The following MGAT4C variants were observed in gnomAD, a reference collection of about 807,000 sequenced individuals.
MGAT4C encodes the protein MGAT4 family member C, also known as alpha-1,3-mannosyl-glycoprotein 4-beta-N-acetylglucosaminyltransferase C.
A neutral mutation model predicts 40.1 loss-of-function variants in MGAT4C; 19 were observed. The observed-to-expected ratio is 0.47, with a 90% CI of 0.33 to 0.70. MGAT4C has a LOEUF of 0.70. MGAT4C is among the 30% of genes least tolerant of loss of function. MGAT4C has a pLI of 0.02. For missense variants in MGAT4C, 491 were observed against 563.2 expected (o/e 0.87, Z 1.30); for synonymous variants, 181 against 187.1 (o/e 0.97, Z 0.27).
At chr12:86,265,777 G>A (rs2136101480) in intron 4 of MGAT4C, among the ~76,000 whole-genome samples, 1 of 152,262 alleles carries the variant, frequency 6.6e-6, no homozygotes, top group East Asian at 1.9e-4. Flanking sequence ...TGTGTTTCCA[G>A]TCCATGAGCT....
chr12:86,795,867 AG>A (rs1337284073), intron 1 of MGAT4C, among the ~76,000 whole-genome samples: 2 of 151,994 alleles, frequency 1.3e-5, no homozygotes, highest in African/African-American at 4.8e-5. Context: ...TGCTTTCTGC[AG>A]ATCTTTTTAT....
chr12:86,780,188 T>G (rs1383388984), intron 1 of MGAT4C, among the ~76,000 whole-genome samples: 31 of 152,310 alleles, frequency 2.0e-4, no homozygotes, highest in Admixed American at 2.0e-3. Context: ...GCATTAATTA[T>G]ATAATTTAAA....
intron 2 of MGAT4C, among the ~76,000 whole-genome samples, chr12:86,463,380 A>G (rs1444272786): frequency 6.6e-6 from 1 of 152,144 alleles, no homozygotes; most frequent in Non-Finnish European, 1.5e-5. Context: ...ATCTTTGAAC[A>G]AATTCTTGCA....
At chr12:86,323,886 C>A (rs1954459388) in intron 4 of MGAT4C, among the ~76,000 whole-genome samples, 1 of 151,818 alleles carries the variant, frequency 6.6e-6, no homozygotes, top group South Asian at 2.1e-4. Context: ...AGGCAATATT[C>A]TTCTATTCCC....
chr12:86,294,904 G>A (rs1016956785), intron 4 of MGAT4C, among the ~76,000 whole-genome samples: 3 of 152,114 alleles, frequency 2.0e-5, no homozygotes, highest in South Asian at 2.1e-4. Flanking sequence ...TATCAAGGGC[G>A]CCCCGTAAAG....
chr12:86,712,025 G>T lies in MGAT4C; in HGVS notation c.-229+15184C>A, dbSNP rs183088598. Among the ~76,000 whole-genome samples, 380 of 152,186 alleles carry T rather than the reference G, an allele frequency of 2.5e-3. 1 individual carries two copies. Among genetic ancestry groups the T allele is most frequent in the Non-Finnish European group, 3.1e-3 (210 of 68,004 alleles). ...TGATATATTGCCATGTGCTGGTGAT[G>T]ATTTCTTATGTTAGATAAGTACCTG... On this transcript the variant is annotated intron_variant, in intron 2 of 7. Transcript: ENST00000548651.
intron 2 of MGAT4C, among the ~76,000 whole-genome samples, chr12:86,631,417 A>G (rs1344934701): frequency 3.3e-5 from 5 of 152,088 alleles, no homozygotes; most frequent in Admixed American, 2.6e-4. Context: ...TGAAGTTCAT[A>G]TGGAACCAAA....
intron 1 of MGAT4C, among the ~76,000 whole-genome samples, chr12:86,728,647 C>T (rs777321835): frequency 1.3e-5 from 2 of 152,124 alleles, no homozygotes; most frequent in Admixed American, 1.3e-4. Context: ...GCTGAGATCT[C>T]GTCACTGCCC....
At chr12:86,118,445 G>A (rs1052947181) in intron 1 of MGAT4C, among the ~76,000 whole-genome samples, 10 of 152,140 alleles carry the variant, frequency 6.6e-5, no homozygotes, top group African/African-American at 2.2e-4. Flanking sequence ...TAGTAATGAT[G>A]TGGACAACAT....
chr12:86,605,544 C>T (rs566894134), intron 2 of MGAT4C, among the ~76,000 whole-genome samples: 1 of 152,228 alleles, frequency 6.6e-6, no homozygotes, highest in South Asian at 2.1e-4. Flanking sequence ...CCATAACTAA[C>T]TCTCGATTTT....
chr12:86,196,302 C>T (rs181366619), intron 1 of MGAT4C, among the ~76,000 whole-genome samples: 9 of 152,190 alleles, frequency 5.9e-5, no homozygotes, highest in Non-Finnish European at 1.3e-4. Flanking sequence ...TTAAGGCTCA[C>T]GCATAATCCT....
chr12:86,073,127 G>T (rs1237369845), intron 1 of MGAT4C, among the ~76,000 whole-genome samples: 2 of 152,168 alleles, frequency 1.3e-5, no homozygotes, highest in South Asian at 2.1e-4. Flanking sequence ...TCACACTGTT[G>T]TTGTGGTAGT....
At chr12:86,505,515 C>T (rs1028851188) in intron 2 of MGAT4C, among the ~76,000 whole-genome samples, 4 of 152,198 alleles carry the variant, frequency 2.6e-5, no homozygotes, top group Admixed American at 2.0e-4. Flanking sequence ...CAAAGTTCAG[C>T]ACTTCCCTCT....
chr12:86,590,902 A>G (rs1464076234), intron 2 of MGAT4C, among the ~76,000 whole-genome samples: 1 of 151,992 alleles, frequency 6.6e-6, no homozygotes, highest in Non-Finnish European at 1.5e-5. Flanking sequence ...TTTATTCCTG[A>G]AATGCATCAA....
At chr12:86,537,999 A>C (rs1959103545) in intron 2 of MGAT4C, among the ~76,000 whole-genome samples, 1 of 152,202 alleles carries the variant, frequency 6.6e-6, no homozygotes, top group South Asian at 2.1e-4. Context: ...AGGTAGGAGA[A>C]TCACTTGAAC....
chr12:86,235,793 G>A (rs928607080), intron 1 of MGAT4C, among the ~76,000 whole-genome samples: 3 of 151,970 alleles, frequency 2.0e-5, no homozygotes, highest in African/African-American at 7.2e-5. Flanking sequence ...CTTCATTAAA[G>A]CGTGATTCTG....
chr12:86,342,690 C>T lies in MGAT4C; in HGVS notation c.-119-8563G>A, dbSNP rs527402435. Among the ~76,000 whole-genome samples, 24 of 152,248 alleles carry T rather than the reference C, an allele frequency of 1.6e-4. No homozygotes were observed. In the East Asian group the frequency reaches 3.7e-3, roughly 23 times the overall value. ...TCCTGATCTCGTGATCCGCCCACCT[C>T]GGCCTCCCAAAGTGCTGGGATTACA... On this transcript the variant is annotated intron_variant, in intron 3 of 7. Coordinates refer to the MGAT4C transcript ENST00000548651.
At chr12:86,766,363 T>C (rs1181863347) in intron 1 of MGAT4C, among the ~76,000 whole-genome samples, 1 of 152,082 alleles carries the variant, frequency 6.6e-6, no homozygotes, top group Non-Finnish European at 1.5e-5. Flanking sequence ...CCCAGATTCA[T>C]AAAGCAAGTC....
chr12:86,606,342 A>G (rs1448394906), intron 2 of MGAT4C, among the ~76,000 whole-genome samples: 1 of 152,134 alleles, frequency 6.6e-6, no homozygotes, highest in East Asian at 1.9e-4. Context: ...CCAAAATGTT[A>G]TTGCGGTGTG....
Sources: allele counts gnomAD v4.1 joint callset (sites outside exome capture counted in the v4.1 genomes callset), GRCh38; gene constraint gnomAD v4.1.1; transcripts MANE v1.5; gene names NCBI Gene and HGNC (gene_info 2026-07-23, HGNC 2026-07-21).